The following MAGI3 variants were observed in gnomAD, a reference collection of about 807,000 sequenced individuals.
MAGI3 encodes membrane associated guanylate kinase, WW and PDZ domain containing 3, also known as membrane-associated guanylate kinase, WW and PDZ domain-containing protein 3.
Under a neutral mutation model 121.8 loss-of-function variants are expected in MAGI3, and 43 were observed. The observed-to-expected ratio is 0.35, with a 90% CI of 0.28 to 0.46. The LOEUF is 0.46. MAGI3 is among the 20% of genes least tolerant of loss of function. MAGI3 has a pLI of 1.00. For synonymous variants in MAGI3, 553 were observed against 639.3 expected, an observed-to-expected ratio of 0.86 and a Z score of 2.04; for missense variants, 1,547 against 1,797.3, an observed-to-expected ratio of 0.86 and a Z score of 2.52.
intron 1 of MAGI3, among the ~76,000 whole-genome samples, chr1:113,508,247 C>T (rs566410099): frequency 2.2e-4 from 34 of 152,166 alleles, no homozygotes; most frequent in African/African-American, 7.7e-4. Flanking sequence ...GGGAAATGTA[C>T]ATTTTAGTAT....
chr1:113,459,600 A>C (rs895128783), intron 1 of MAGI3, among the ~76,000 whole-genome samples: 2 of 152,198 alleles, frequency 1.3e-5, no homozygotes, highest in Non-Finnish European at 2.9e-5. Flanking sequence ...CTGAGATTTC[A>C]CTACTACCTG....
intron 2 of MAGI3, among the ~76,000 whole-genome samples, chr1:113,559,537 G>A (rs543168361): frequency 9.9e-5 from 15 of 151,984 alleles, no homozygotes; most frequent in Non-Finnish European, 1.8e-4. Flanking sequence ...ATATGCTCCC[G>A]ATACAGGAGC....
intron 1 of MAGI3, among the ~76,000 whole-genome samples, chr1:113,436,091 A>G (rs1210519083): frequency 2.0e-5 from 3 of 152,144 alleles, no homozygotes; most frequent in Non-Finnish European, 4.4e-5. Context: ...TAATACCTGA[A>G]TAGTTCAAAA....
At chr1:113,559,002 G>A (rs1660106972) in intron 2 of MAGI3, among the ~76,000 whole-genome samples, 1 of 152,142 alleles carries the variant, frequency 6.6e-6, no homozygotes. Context: ...CAAATGCTAA[G>A]GGAATTCATT....
At chr1:113,572,187 G>C (rs1647333505) in intron 2 of MAGI3, among the ~76,000 whole-genome samples, 1 of 152,140 alleles carries the variant, frequency 6.6e-6, no homozygotes, top group Admixed American at 6.5e-5. Flanking sequence ...TTTATGTGAT[G>C]GATTATGTTT....
intron 1 of MAGI3, among the ~76,000 whole-genome samples, chr1:113,476,798 A>G (rs1353863660): frequency 6.6e-6 from 1 of 152,106 alleles, no homozygotes; most frequent in Non-Finnish European, 1.5e-5. Context: ...TGTCTCATTG[A>G]TCTCTCTAAT....
chr1:113,520,738 G>A (rs1235227883), intron 1 of MAGI3, among the ~76,000 whole-genome samples: 1 of 152,084 alleles, frequency 6.6e-6, no homozygotes, highest in Non-Finnish European at 1.5e-5. Context: ...AAGTAGCTGG[G>A]ATTACAGGCG....
chr1:113,513,026 A>G (rs1657696970), intron 1 of MAGI3, among the ~76,000 whole-genome samples: 2 of 152,182 alleles, frequency 1.3e-5, no homozygotes, highest in African/African-American at 2.4e-5. Flanking sequence ...CCCATTCACA[A>G]TTGCTTCAAA....
chr1:113,618,006 T>G (rs1178644780), intron 7 of MAGI3, among the ~76,000 whole-genome samples: 1 of 152,208 alleles, frequency 6.6e-6, no homozygotes, highest in African/African-American at 2.4e-5. Context: ...AGTAGTAGCC[T>G]GAGTGACATG....
At chr1:113,621,402 T>G (rs192349289) in intron 8 of MAGI3, among the ~76,000 whole-genome samples, 35 of 152,234 alleles carry the variant, frequency 2.3e-4, no homozygotes, top group Non-Finnish European at 3.2e-4. Context: ...TTAGTCACTC[T>G]AGGAAGAGCA....
chr1:113,550,005 A>G (rs1659698834), intron 2 of MAGI3, among the ~76,000 whole-genome samples: 1 of 151,502 alleles, frequency 6.6e-6, no homozygotes, highest in African/African-American at 2.4e-5. Context: ...AATCCCAGCT[A>G]CTTGGGAGAC....
Position 113,391,854 on chromosome 1 carries a change from G to T in MAGI3, c.316+505G>T, listed in dbSNP as rs2101254902. ...CTTGCACTCTAGCAGACATCTCAGAGCTGACAGCCTAACTCTGTCAGTCCA... is the reference window on the plus strand; with the variant it reads ...CTTGCACTCTAGCAGACATCTCAGATCTGACAGCCTAACTCTGTCAGTCCA... On this transcript the variant is annotated intron_variant, in intron 1 of 20. Transcript: ENST00000307546. This position sits in a 1 kb window ranked among gnomAD's most constrained non-coding sequence, Gnocchi z 4.4. Among the ~76,000 whole-genome samples the T allele has an allele frequency of 6.6e-6, 1 of 152,352 alleles. No homozygotes were observed. The highest frequency in any genetic ancestry group is 1.5e-5 in the Non-Finnish European group (1 of 68,032).
rs1189831548 is a variant in MAGI3 at position 113,671,845 on chromosome 1, A to G, written c.2918+9A>G. 1.9e-6 allele frequency: 3 copies of G among 1,612,694 alleles called. No homozygotes were observed. The highest frequency in any genetic ancestry group is 3.3e-5 in the Admixed American group (2 of 59,990). ...CACATACCTGGGGACAGGTGGGGCT[A>G]TTTTCAGGTTTTTGTTTTTGTTTTT... On this transcript the variant is annotated intron_variant, in intron 17 of 20. Coordinates refer to ENST00000307546, the MANE Select transcript of MAGI3 (RefSeq NM_001142782.2).
intron 18 of MAGI3, among the ~76,000 whole-genome samples, chr1:113,673,080 G>A (rs563184834): frequency 6.6e-6 from 1 of 152,316 alleles, no homozygotes; most frequent in South Asian, 2.1e-4. Flanking sequence ...CCAAAATTCT[G>A]TTCTCTGATT....
intron 1 of MAGI3, among the ~76,000 whole-genome samples, chr1:113,495,619 A>G (rs555387520): frequency 2.0e-5 from 3 of 152,198 alleles, no homozygotes; most frequent in African/African-American, 2.4e-5. Context: ...CACTAAGTCT[A>G]TGAAGGTAAG....
At chr1:113,393,084 T>C (rs954134180) in intron 1 of MAGI3, among the ~76,000 whole-genome samples, 1 of 152,226 alleles carries the variant, frequency 6.6e-6, no homozygotes, top group African/African-American at 2.4e-5. Context: ...TTTAGAAGAC[T>C]GAAGAGATGG....
chr1:113,610,189 A>T (rs561487723), intron 6 of MAGI3, among the ~76,000 whole-genome samples: 1 of 152,222 alleles, frequency 6.6e-6, no homozygotes, highest in Non-Finnish European at 1.5e-5. Flanking sequence ...GCTAGAGTGC[A>T]GTGGCGCGAT....
rs547298658 is a variant in MAGI3 at position 113,604,285 on chromosome 1, A to G, written c.1018+9725A>G. 1.8e-4 allele frequency among the ~76,000 whole-genome samples: 27 copies of G among 152,150 alleles called. No individual in the cohort carries two copies. The East Asian group carries it at 5.2e-3, about 29-fold the overall frequency. On this transcript the variant is annotated intron_variant, in intron 6 of 20. Coordinates refer to ENST00000307546, the MANE Select transcript of MAGI3 (RefSeq NM_001142782.2). ...GATGAGTGGATAAATAAAATGTGGT[A>G]TTGCCAGGTGCATTGGCTCATGCCT...
At chr1:113,564,640 C>T (rs1038933140) in intron 2 of MAGI3, among the ~76,000 whole-genome samples, 6 of 151,826 alleles carry the variant, frequency 4.0e-5, no homozygotes, top group African/African-American at 1.5e-4. Context: ...GAGGCTGAGG[C>T]GGAAGGAACT....
Sources: gnomAD v4.1 joint callset for allele counts (sites outside exome capture counted in the v4.1 genomes callset) on GRCh38, gnomAD v4.1.1 for gene constraint, Gnocchi (gnomAD v3.1) non-coding constraint, MANE v1.5 for transcripts, NCBI Gene and HGNC (gene_info 2026-07-23, HGNC 2026-07-21) for gene names.